EZH2: variants seen among roughly 807,000 people sequenced by gnomAD.
EZH2 encodes the protein enhancer of zeste 2 polycomb repressive complex 2 subunit.
EZH2 carries 18 observed loss-of-function variants against 98.4 expected under a neutral mutation model. That is an observed-to-expected ratio of 0.18 (90% CI 0.13 to 0.27). EZH2 has a LOEUF of 0.27. Among genes scored for constraint, EZH2 ranks in the 10% least tolerant of loss-of-function variants. EZH2 has a pLI of 1.00. For synonymous variants in EZH2, 338 were observed against 312.3 expected, an observed-to-expected ratio of 1.08 and a Z score of -0.87; for missense variants, 470 against 935.1, an observed-to-expected ratio of 0.50 and a Z score of 6.49.
rs772629474 is a variant in EZH2 at position 148,816,789 on chromosome 7, G to A, written c.1411-11C>T. The A allele has an allele frequency of 6.2e-7, 1 of 1,601,814 alleles. No individual in the cohort carries two copies. Among genetic ancestry groups the A allele is most frequent in the Non-Finnish European group, 8.6e-7 (1 of 1,168,910 alleles). ...TCTAAACTCATACACCTGACAAGAG[G>A]CACAGTCACAGAGCCATGAGGACAG... On this transcript the variant is annotated splice_polypyrimidine_tract_variant and intron_variant, in intron 11 of 19. Coordinates refer to ENST00000320356, the MANE Select transcript of EZH2 (RefSeq NM_004456.5).
chr7:148,871,719 C>A (rs556761939), intron 1 of EZH2, among the ~76,000 whole-genome samples: 2 of 151,952 alleles, frequency 1.3e-5, no homozygotes, highest in Non-Finnish European at 2.9e-5. Context: ...AAACTACAGG[C>A]GCATGCCACC....
Position 148,818,034 on chromosome 7 carries a change from T to C in EZH2, c.1083A>G (p.Gly361=), listed in dbSNP as rs1805052633. 3 of 1,614,168 alleles carry C rather than the reference T, an allele frequency of 1.9e-6. No homozygotes were observed. The highest frequency in any genetic ancestry group is 1.3e-5 in the African/African-American group (1 of 75,038). ...GCCTGCTACTGTTATTGGGAAGCCG[T>C]CCTCTTCTGCGGCCTCCTGGACGTT... ...PPKRPGGRRR[G]RLPNNSSRPS... The change falls in exon 10 of 20, where the codon GGA becomes GGG. Residue 361 remains glycine (G), a synonymous_variant. Coordinates refer to ENST00000320356, the MANE Select transcript of EZH2 (RefSeq NM_004456.5).
chr7:148,823,794 G>A (rs543641536), intron 8 of EZH2, among the ~76,000 whole-genome samples: 3 of 152,056 alleles, frequency 2.0e-5, no homozygotes, highest in Non-Finnish European at 2.9e-5. Context: ...GGCATTAAAA[G>A]GATGAGCCAC....
chr7:148,817,020 T>TA (rs1804737507), intron 11 of EZH2: 2 of 617,998 alleles, frequency 3.2e-6, no homozygotes, highest in Middle Eastern at 4.4e-4. Flanking sequence ...TATCTAACCT[T>TA]AAAAGTCTAC....
At chr7:148,847,377 G>A (rs1225120642) in intron 1 of EZH2, 72 bp from the exon 2 acceptor site, 27 of 1,554,886 alleles carry the variant, frequency 1.7e-5, no homozygotes, top group East Asian at 1.4e-4. Context: ...GTTTTAATCC[G>A]CAGCAAACTA....
chr7:148,840,967 C>T (rs894066659), intron 3 of EZH2, among the ~76,000 whole-genome samples: 1 of 152,020 alleles, frequency 6.6e-6, no homozygotes, highest in Non-Finnish European at 1.5e-5. Flanking sequence ...ATCTTTATAA[C>T]AATAATTTAT....
intron 1 of EZH2, among the ~76,000 whole-genome samples, chr7:148,867,132 G>T (rs923583204): frequency 1.3e-5 from 2 of 151,392 alleles, no homozygotes; most frequent in Non-Finnish European, 2.9e-5. Flanking sequence ...TTCAACACCA[G>T]CCTGGCCAAC....
At chr7:148,819,407 C>G (rs552334128) in intron 9 of EZH2, among the ~76,000 whole-genome samples, 189 bp downstream of exon 9, 7 of 152,232 alleles carry the variant, frequency 4.6e-5, no homozygotes, top group African/African-American at 1.7e-4. Flanking sequence ...AGAATAATAC[C>G]ACATTAATGA....
chr7:148,881,972 GCACACACACACA>G (rs3059438), intron 1 of EZH2, among the ~76,000 whole-genome samples: 113 of 131,850 alleles, frequency 8.6e-4, no homozygotes, highest in Middle Eastern at 4.0e-3. Context: ...ACACGCGCGC[GCACACACACACA>G]CACACACACA....
intron 3 of EZH2, among the ~76,000 whole-genome samples, chr7:148,840,717 T>C (rs1023768751): frequency 9.9e-5 from 15 of 152,174 alleles, no homozygotes; most frequent in African/African-American, 3.6e-4. Context: ...AGTGATATTC[T>C]TTTATAAAAT....
intron 3 of EZH2, among the ~76,000 whole-genome samples, chr7:148,845,758 C>G (rs1319310469): frequency 6.6e-6 from 1 of 152,220 alleles, no homozygotes; most frequent in Admixed American, 6.5e-5. Flanking sequence ...GCTCTTTCCC[C>G]TTTTGCTTCA....
At chr7:148,880,193 G>A (rs959042192) in intron 1 of EZH2, among the ~76,000 whole-genome samples, 1 of 152,174 alleles carries the variant, frequency 6.6e-6, no homozygotes, top group Non-Finnish European at 1.5e-5. Flanking sequence ...ATGGAATGGT[G>A]CAACTATCTT....
chr7:148,872,446 T>A (rs371677166), intron 1 of EZH2, among the ~76,000 whole-genome samples: 1 of 152,210 alleles, frequency 6.6e-6, no homozygotes. Context: ...ACTACTGAAC[T>A]GTACATTTTT....
At chr7:148,877,189 T>C (rs73471865) in intron 1 of EZH2, among the ~76,000 whole-genome samples, 3,074 of 152,228 alleles carry the variant, frequency 0.02, 91 homozygotes, top group African/African-American at 0.07. Flanking sequence ...ATTTGAAAAT[T>C]TGGGGAAGAA....
intron 3 of EZH2, among the ~76,000 whole-genome samples, chr7:148,834,004 CATT>C (rs1216687652): frequency 1.3e-5 from 2 of 152,128 alleles, no homozygotes; most frequent in Non-Finnish European, 2.9e-5. Context: ...CAAGGTACAT[CATT>C]ATCTTCTGTA....
chr7:148,829,767 G>A lies in EZH2; in HGVS notation c.445C>T (p.Leu149=), dbSNP rs1808814001. 1 of 1,609,320 alleles carries A rather than the reference G, an allele frequency of 6.2e-7. No homozygotes were observed. The highest frequency in any genetic ancestry group is 2.2e-5 in the East Asian group (1 of 44,528). The change falls in exon 5 of 20, where the codon CTA becomes TTA. Residue 149 remains leucine (L), a synonymous_variant. Transcript: ENST00000320356. ...ACTTTCCCATCATAATTTTTTATTA[G>A]TTCTTCAATGAAAGTACCATCCTGA... The part of the protein sequence containing the change: ...LDQDGTFIEE[L]IKNYDGKVHG...
At chr7:148,875,423 A>T (rs1388261622) in intron 1 of EZH2, among the ~76,000 whole-genome samples, 1 of 149,416 alleles carries the variant, frequency 6.7e-6, no homozygotes, top group Non-Finnish European at 1.5e-5. Flanking sequence ...CCACTCAACC[A>T]GACAAACAAT....
At chr7:148,811,782 G>C (rs2129469140) in intron 15 of EZH2, 62 bp from the exon 16 acceptor site, 1 of 1,380,310 alleles carries the variant, frequency 7.2e-7, no homozygotes, top group Non-Finnish European at 1.0e-6. Context: ...TGGGGACAAA[G>C]TAGACTACAG....
At chr7:148,852,883 G>C (rs2129486710) in intron 1 of EZH2, among the ~76,000 whole-genome samples, 1 of 152,148 alleles carries the variant, frequency 6.6e-6, no homozygotes, top group South Asian at 2.1e-4. Context: ...CATATCCACG[G>C]AGGATTAGTT....
Sources: allele counts gnomAD v4.1 joint callset (sites outside exome capture counted in the v4.1 genomes callset), GRCh38; gene constraint gnomAD v4.1.1; transcripts MANE v1.5; gene names NCBI Gene and HGNC (gene_info 2026-07-23, HGNC 2026-07-21).